Variants in EVC observed in about 807,000 individuals in gnomAD.
The protein encoded by EVC is EvC ciliary complex subunit 1.
Under a neutral mutation model 118.9 loss-of-function variants are expected in EVC, and 116 were observed. The observed-to-expected ratio is 0.98, with a 90% CI of 0.84 to 1.14. EVC has a LOEUF of 1.14. EVC is among the 50% of genes most tolerant of loss of function. EVC has a pLI of 0.00. For missense variants in EVC, 1,401 were observed against 1,246.4 expected (o/e 1.12, Z -1.87); for synonymous variants, 619 against 534.7 (o/e 1.16, Z -2.18).
At chr4:5,770,458 A>T (rs1217549432) in intron 11 of EVC, among the ~76,000 whole-genome samples, 1 of 152,164 alleles carries the variant, frequency 6.6e-6, no homozygotes, top group Admixed American at 6.5e-5. Flanking sequence ...GTCAAGATTA[A>T]GTGCTGCATG....
chr4:5,746,108 G>A lies in EVC; in HGVS notation c.939+767G>A, dbSNP rs115447253. ...AGCTAAAGAGGGCTGAGAGCAAGTC[G>A]AGGTAAGGTAAAGCCAGAGGGATCT... On this transcript the variant is annotated intron_variant, in intron 7 of 20. Transcript: ENST00000264956. This position sits in a 1 kb window ranked among gnomAD's most constrained non-coding sequence, Gnocchi z 5.8. 0.015 allele frequency among the ~76,000 whole-genome samples: 2,211 copies of A among 151,962 alleles called. 44 individuals carry two copies. Among genetic ancestry groups the A allele is most frequent in the African/African-American group, 0.049 (2,032 of 41,432 alleles).
At chr4:5,757,941 G>A (rs902737435) in intron 11 of EVC, 28 of 607,902 alleles carry the variant, frequency 4.6e-5, no homozygotes, top group Admixed American at 1.4e-4. Flanking sequence ...CCTTCAAAAC[G>A]TCATGTCCAT....
chr4:5,820,148 A>G, the EVC span, among the ~76,000 whole-genome samples: 2 of 152,180 alleles, frequency 1.3e-5, no homozygotes, highest in Non-Finnish European at 2.9e-5. Flanking sequence ...TCATCTGTAC[A>G]ATGGGGATAA....
At chr4:5,722,775 A>G (rs1381025827) in intron 2 of EVC, among the ~76,000 whole-genome samples, 1 of 152,082 alleles carries the variant, frequency 6.6e-6, no homozygotes, top group African/African-American at 2.4e-5. Flanking sequence ...ACTTTAACCA[A>G]TTTTCTGAAT....
At chr4:5,752,196 T>C (rs1730482524) in intron 8 of EVC, among the ~76,000 whole-genome samples, 1 of 152,054 alleles carries the variant, frequency 6.6e-6, no homozygotes, top group Admixed American at 6.5e-5. Context: ...CGCTCCTCCT[T>C]TCCCCCTTAC....
chr4:5,809,910 C>T (rs892496426), intron 19 of EVC, among the ~76,000 whole-genome samples: 25 of 152,198 alleles, frequency 1.6e-4, no homozygotes, highest in Admixed American at 3.9e-4. Flanking sequence ...CCCTTGCCAG[C>T]GACAACTTCA....
chr4:5,787,934 A>G (rs545478153), intron 12 of EVC, among the ~76,000 whole-genome samples: 6 of 152,236 alleles, frequency 3.9e-5, no homozygotes, highest in South Asian at 2.1e-4. Flanking sequence ...TGTTTGGCCA[A>G]GTTGGTCTCT....
intron 8 of EVC, among the ~76,000 whole-genome samples, chr4:5,751,416 A>G (rs927826408): frequency 2.6e-5 from 4 of 152,240 alleles, no homozygotes; most frequent in African/African-American, 7.2e-5. Context: ...GGTTCTCAAC[A>G]TGCTCTTTAG....
In EVC at chr4:5,756,231, T is replaced by TTC. The variant is rs1296272282; in HGVS notation, c.1465-31_1465-30dup. 2 of 1,550,572 alleles carry TTC rather than the reference T, an allele frequency of 1.3e-6. No homozygotes were observed. On this transcript the variant is annotated intron_variant, in intron 10 of 20. Coordinates refer to ENST00000264956, the MANE Select transcript of EVC (RefSeq NM_153717.3). The surrounding 1 kb of genome is among the most constrained non-coding windows in gnomAD (Gnocchi z 4.2). ...AAAAAAAAAAAAAAACCCTGCATGT[T>TTC]TCTACCAGACTCAGCTCTTGTTTTC...
chr4:5,808,482 C>T (rs116603180), intron 18 of EVC, among the ~76,000 whole-genome samples, 155 bp downstream of exon 18: 168 of 152,342 alleles, frequency 1.1e-3, no homozygotes, highest in African/African-American at 3.8e-3. Context: ...GAGGGTGTGT[C>T]GGCCTCGCCT....
intron 11 of EVC, among the ~76,000 whole-genome samples, chr4:5,777,283 TAC>T: frequency 6.6e-6 from 1 of 152,320 alleles, no homozygotes; most frequent in East Asian, 1.9e-4. Flanking sequence ...GACTCCAGGT[TAC>T]AGTTTGTATA....
intron 1 of EVC, among the ~76,000 whole-genome samples, chr4:5,717,205 T>C (rs972353267): frequency 3.3e-5 from 5 of 152,200 alleles, no homozygotes; most frequent in Non-Finnish European, 5.9e-5. Flanking sequence ...ACTTTATACT[T>C]GTATTGAGTT....
Position 5,745,353 on chromosome 4 carries a change from A to G in EVC, c.939+12A>G. On this transcript the variant is annotated intron_variant, in intron 7 of 20. Transcript: ENST00000264956. ...AGCTAATCGATAATGTGCGTGCCAG[A>G]CTTTCTTTCCTGTACACAAATTTTG... is the stretch of plus-strand genomic sequence containing the variant. 6.2e-7 allele frequency: 1 copy of G among 1,611,924 alleles called. No homozygotes were observed. The highest frequency in any genetic ancestry group is 2.2e-5 in the East Asian group (1 of 44,792).
intron 11 of EVC, among the ~76,000 whole-genome samples, chr4:5,760,475 T>G (rs1416333009): frequency 1.3e-5 from 2 of 152,022 alleles, no homozygotes; most frequent in Non-Finnish European, 2.9e-5. Context: ...GTATATGAAA[T>G]GTACTGCATA....
rs572154695 is a variant in EVC, at chr4:5,768,009, GTTCA to G, written c.1563+11664_1563+11667del. ...GGAGAGTTTGTTCATTCATTCATTC[GTTCA>G]TTCATTCATTCATTCAAGTATTGTT... is the stretch of plus-strand genomic sequence containing the variant. On this transcript the variant is annotated intron_variant, in intron 11 of 20. Coordinates refer to ENST00000264956, the MANE Select transcript of EVC (RefSeq NM_153717.3). Among the ~76,000 whole-genome samples, 163 of 152,060 alleles carry G rather than the reference GTTCA, an allele frequency of 1.1e-3. 1 individual carries two copies. The highest frequency in any genetic ancestry group is 3.7e-3 in the African/African-American group (154 of 41,376).
At chr4:5,820,876 A>T in the EVC span, 2 of 152,162 alleles carry the variant, frequency 1.3e-5, no homozygotes, top group Non-Finnish European at 2.9e-5. Flanking sequence ...AATGGGAGTG[A>T]TTACAAAGGA....
At chr4:5,717,803 A>G (rs1057141289) in intron 1 of EVC, among the ~76,000 whole-genome samples, 5 of 152,224 alleles carry the variant, frequency 3.3e-5, no homozygotes, top group Admixed American at 1.3e-4. Flanking sequence ...TTTGTCTCCC[A>G]TCATCCTTCA....
rs192866540 is a variant in EVC, at chr4:5,738,182, A to G, written c.703-3534A>G. ...CTAGGATTAGAATTGGAGCCTGAAGATGGGACTGAGCTGCTGCAATCTCAT... is the reference window on the plus strand; with the variant it reads ...CTAGGATTAGAATTGGAGCCTGAAGGTGGGACTGAGCTGCTGCAATCTCAT... On this transcript the variant is annotated intron_variant, in intron 5 of 20. Transcript: ENST00000264956. The surrounding 1 kb of genome is among the most constrained non-coding windows in gnomAD (Gnocchi z 6.5). Among the ~76,000 whole-genome samples the G allele has an allele frequency of 5.3e-4, 81 of 152,338 alleles. No homozygotes were observed. The highest frequency in any genetic ancestry group is 1.7e-3 in the African/African-American group (71 of 41,570).
Position 5,809,692 on chromosome 4 carries a change from C to G in EVC, c.2782+81C>G, listed in dbSNP as rs771092242. 2.3e-5 allele frequency: 29 copies of G among 1,253,102 alleles called. 1 individual carries two copies. In the South Asian group the frequency reaches 3.6e-4, roughly 16 times the overall value. The allele number at this position is 1,253,102 out of a possible 1,614,324, so 77.6% of individuals were successfully genotyped here. Reference sequence around the variant, plus strand: ...ATTCTAGTTCCACACTGGCCACTAACTAGCTGTGTGACCTTAGGCATCGTG... The same window carrying G: ...ATTCTAGTTCCACACTGGCCACTAAGTAGCTGTGTGACCTTAGGCATCGTG... On this transcript the variant is annotated intron_variant, in intron 19 of 20. Coordinates refer to ENST00000264956, the MANE Select transcript of EVC (RefSeq NM_153717.3).
Sources: allele counts gnomAD v4.1 joint callset (sites outside exome capture counted in the v4.1 genomes callset), GRCh38; gene constraint gnomAD v4.1.1; non-coding constraint Gnocchi (gnomAD v3.1); transcripts MANE v1.5; gene names NCBI Gene and HGNC (gene_info 2026-07-23, HGNC 2026-07-21).